Variants in UCK2 observed in about 807,000 individuals in gnomAD.
UCK2 encodes the protein uridine-cytidine kinase 2.
Under a neutral mutation model 30.8 loss-of-function variants are expected in UCK2, and 6 were observed. The ratio of observed to expected loss-of-function variants is 0.19; its 90% confidence interval spans 0.11 to 0.38. UCK2 has a LOEUF of 0.38. UCK2 is among the 10% of genes least tolerant of loss of function. The pLI, the probability that UCK2 is intolerant of heterozygous loss-of-function variation, is 1.00. For synonymous variants in UCK2, 125 were observed against 133.6 expected (o/e 0.94, Z 0.45); for missense variants, 210 against 339.8 (o/e 0.62, Z 3.00).
chr1:165,854,078 A>G (rs1170277753), intron 1 of UCK2, among the ~76,000 whole-genome samples: 6 of 152,238 alleles, frequency 3.9e-5, no homozygotes, highest in Non-Finnish European at 7.3e-5. Flanking sequence ...TTTAGGTGCC[A>G]TTCCTATCTC....
chr1:165,907,945 G>A lies in UCK2; in HGVS notation c.*122G>A. The A allele has an allele frequency of 7.4e-7, 1 of 1,348,648 alleles. No homozygotes were observed. Among genetic ancestry groups the A allele is most frequent in the Non-Finnish European group, 9.9e-7 (1 of 1,015,036 alleles). 83.5% of individuals were successfully genotyped at this position (1,348,648 alleles called of 1,614,324 possible). A position where few individuals can be genotyped will look rare whatever the true frequency, so the allele number is the denominator to read the frequency against. On this transcript the variant is annotated 3_prime_UTR_variant, in exon 7 of 7. Coordinates refer to ENST00000367879, the MANE Select transcript of UCK2 (RefSeq NM_012474.5). The stretch of plus-strand genomic sequence containing the variant: ...GTATTTAAGAAAACACCATGGAGAT[G>A]AAATGCCTTTGATTTTTTTTTTCTT...
intron 1 of UCK2, among the ~76,000 whole-genome samples, chr1:165,856,753 C>T (rs1335405121): frequency 1.3e-5 from 2 of 152,090 alleles, no homozygotes; most frequent in Non-Finnish European, 2.9e-5. Context: ...CCAGTGGGAG[C>T]TGGAAAGCTT....
intron 5 of UCK2, among the ~76,000 whole-genome samples, chr1:165,904,392 G>T (rs947429952): frequency 6.6e-6 from 1 of 152,182 alleles, no homozygotes; most frequent in Non-Finnish European, 1.5e-5. Context: ...AGTTACAAGA[G>T]TAGGTTACTG....
rs376693281 is a variant in UCK2, at chr1:165,906,002, A to G, written c.646+33A>G. On this transcript the variant is annotated intron_variant, in intron 6 of 6. Coordinates refer to ENST00000367879, the MANE Select transcript of UCK2 (RefSeq NM_012474.5). ...CCTGCAGAGTGTCATCCTGGAGTATAATGTCTGCCCTTTGTCAGTCATAAT... is the reference window on the plus strand; with the variant it reads ...CCTGCAGAGTGTCATCCTGGAGTATGATGTCTGCCCTTTGTCAGTCATAAT... 95 of 1,600,858 alleles carry G rather than the reference A, an allele frequency of 5.9e-5. 1 individual carries two copies. The African/African-American group carries it at 1.1e-3, about 18-fold the overall frequency.
chr1:165,843,888 C>T (rs1266480687), intron 1 of UCK2, among the ~76,000 whole-genome samples: 1 of 152,144 alleles, frequency 6.6e-6, no homozygotes, highest in East Asian at 1.9e-4. Flanking sequence ...TTTCTTATAT[C>T]ACTAATACCA....
At chr1:165,898,558 A>C (rs1340103804) in intron 4 of UCK2, among the ~76,000 whole-genome samples, 1 of 152,198 alleles carries the variant, frequency 6.6e-6, no homozygotes, top group East Asian at 1.9e-4. Context: ...CTAGTCCAGC[A>C]GTGGTACTCA....
chr1:165,895,599 A>T (rs1443991945), intron 3 of UCK2: 3 of 985,552 alleles, frequency 3.0e-6, no homozygotes, highest in Non-Finnish European at 3.6e-6. Flanking sequence ...GAGCCAGACC[A>T]GACAGACGTC....
intron 1 of UCK2, among the ~76,000 whole-genome samples, chr1:165,879,741 T>A (rs1655435225): frequency 6.6e-6 from 1 of 152,018 alleles, no homozygotes; most frequent in Non-Finnish European, 1.5e-5. Context: ...GAATGACGAA[T>A]TCAGCAAAAC....
intron 1 of UCK2, among the ~76,000 whole-genome samples, chr1:165,864,965 G>A (rs779241467): frequency 1.3e-5 from 2 of 152,080 alleles, no homozygotes; most frequent in African/African-American, 2.4e-5. Context: ...GGGATTACAG[G>A]TGTTAGCCAC....
chr1:165,888,473 G>A (rs564855357), intron 1 of UCK2, among the ~76,000 whole-genome samples: 1 of 151,840 alleles, frequency 6.6e-6, no homozygotes, highest in East Asian at 1.9e-4. Flanking sequence ...TGTATTTTTA[G>A]TAGAGGCAGG....
chr1:165,845,819 C>T (rs977161708), intron 1 of UCK2, among the ~76,000 whole-genome samples: 22 of 152,184 alleles, frequency 1.4e-4, no homozygotes, highest in African/African-American at 5.3e-4. Context: ...AGGAGTGTGC[C>T]ACCATGCCCA....
intron 4 of UCK2, among the ~76,000 whole-genome samples, chr1:165,899,317 C>T (rs1312183325): frequency 1.3e-5 from 2 of 152,146 alleles, no homozygotes; most frequent in Admixed American, 6.5e-5. Flanking sequence ...GCTCTGAATA[C>T]GGGGACAGGG....
Position 165,910,469 on chromosome 1 carries a change from T to C in UCK2, c.*2646T>C, listed in dbSNP as rs1055998309. On this transcript the variant is annotated 3_prime_UTR_variant, in exon 7 of 7. Transcript: ENST00000367879. ...CCATCCAGTGGTGCTTGGTTCTCTCTTCCTGCCCAGGTATTGTGTGTGGAC... is the reference window on the plus strand; with the variant it reads ...CCATCCAGTGGTGCTTGGTTCTCTCCTCCTGCCCAGGTATTGTGTGTGGAC... The C allele has an allele frequency of 6.6e-6, 1 of 152,336 alleles. No individual in the cohort carries two copies. The highest frequency in any genetic ancestry group is 1.5e-5 in the Non-Finnish European group (1 of 68,154). 9.4% of individuals were successfully genotyped at this position (152,336 alleles called of 1,614,324 possible).
rs2349109 is a variant in UCK2 at position 165,877,441 on chromosome 1, C to T, written c.100-12763C>T. 9.1e-3 allele frequency among the ~76,000 whole-genome samples: 1,388 copies of T among 152,308 alleles called. 33 individuals carry two copies. The highest frequency in any genetic ancestry group is 0.05 in the Admixed American group (770 of 15,300). On this transcript the variant is annotated intron_variant, in intron 1 of 6. Transcript: ENST00000367879. ...TGTTTATTACCTGCCCCGGATTTCC[C>T]GCCCCTCCACTGCTCCCTGTCCCTA...
At position 165,869,032 on chromosome 1, in the gene UCK2, A is replaced by C. The variant is rs946080687; in HGVS notation, c.100-21172A>C. 9.2e-5 allele frequency among the ~76,000 whole-genome samples: 14 copies of C among 152,196 alleles called. 1 individual carries two copies. The highest frequency in any genetic ancestry group is 8.3e-4 in the South Asian group (4 of 4,818). ...ACTTCAATATTGTTCTGTCGCAGGA[A>C]ATCATAGGGAGGCCCAAGAAGAGGG... On this transcript the variant is annotated intron_variant, in intron 1 of 6. Coordinates refer to ENST00000367879, the MANE Select transcript of UCK2 (RefSeq NM_012474.5).
chr1:165,903,169 C>T lies in UCK2; in HGVS notation c.500-13C>T, dbSNP rs753411311. On this transcript the variant is annotated splice_polypyrimidine_tract_variant and intron_variant, in intron 4 of 6. Coordinates refer to ENST00000367879, the MANE Select transcript of UCK2 (RefSeq NM_012474.5). ...ACACCGTTTTTTGATTCTTGTTTTC[C>T]CTTCTCTTACAGTATTAAGGGACAT... 3.7e-6 allele frequency: 6 copies of T among 1,607,388 alleles called. No homozygotes were observed. In the East Asian group the frequency reaches 1.1e-4, roughly 30 times the overall value.
rs953589173 is a variant in UCK2 at position 165,827,785 on chromosome 1, G to A, written c.-49G>A. 2 of 1,325,962 alleles carry A rather than the reference G, an allele frequency of 1.5e-6. No individual in the cohort carries two copies. Among genetic ancestry groups the A allele is most frequent in the South Asian group, 2.1e-5 (1 of 47,264 alleles). 82.1% of individuals were successfully genotyped at this position (1,325,962 alleles called of 1,614,324 possible). A position where few individuals can be genotyped will look rare whatever the true frequency, so the allele number is the denominator to read the frequency against. On this transcript the variant is annotated 5_prime_UTR_variant, in exon 1 of 7. Transcript: ENST00000367879. ...GGAGTCCGACGCGGGCGCGGGCGGG[G>A]AGCGTGCGTCCGTTCGCACAGGCAG...
At chr1:165,903,557 G>T (rs977101446) in intron 5 of UCK2, among the ~76,000 whole-genome samples, 6 of 152,124 alleles carry the variant, frequency 3.9e-5, no homozygotes, top group Non-Finnish European at 8.8e-5. Flanking sequence ...TAGGTTTCTT[G>T]CTTGGTGGGG....
chr1:165,885,164 A>T (rs1452877131), intron 1 of UCK2: 1 of 378,232 alleles, frequency 2.6e-6, no homozygotes, highest in Admixed American at 4.6e-5. Context: ...TTTATGGAGA[A>T]CATCGGGGTG....
Sources: allele counts gnomAD v4.1 joint callset (sites outside exome capture counted in the v4.1 genomes callset), GRCh38; gene constraint gnomAD v4.1.1; transcripts MANE v1.5; gene names NCBI Gene and HGNC (gene_info 2026-07-23, HGNC 2026-07-21).